Variants in KCNIP4 observed in about 807,000 individuals in gnomAD.
The protein encoded by KCNIP4 is Kv channel-interacting protein 4.
A neutral mutation model predicts 34.0 loss-of-function variants in KCNIP4; 12 were observed. The ratio of observed to expected loss-of-function variants is 0.35; its 90% CI spans 0.23 to 0.57. KCNIP4 has a LOEUF of 0.57. KCNIP4 is among the 20% of genes least tolerant of loss of function. The pLI, the probability that KCNIP4 is intolerant of heterozygous loss-of-function variation, is 0.83. For missense variants in KCNIP4, 238 were observed against 311.7 expected, an observed-to-expected ratio of 0.76 and a Z score of 1.78; for synonymous variants, 124 against 102.2, an observed-to-expected ratio of 1.21 and a Z score of -1.29.
At chr4:21,733,000 T>C (rs1715718386) in intron 1 of KCNIP4, among the ~76,000 whole-genome samples, 1 of 152,194 alleles carries the variant, frequency 6.6e-6, no homozygotes, top group Admixed American at 6.6e-5. Flanking sequence ...TTAAACTTCC[T>C]ATTTAACTTT....
intron 1 of KCNIP4, among the ~76,000 whole-genome samples, chr4:21,569,340 A>G (rs1361435155): frequency 6.6e-6 from 1 of 150,636 alleles, no homozygotes; most frequent in Non-Finnish European, 1.5e-5. Flanking sequence ...TAATAGAAAA[A>G]CTTTGCTTCT....
chr4:21,654,989 T>C (rs2108977930), intron 1 of KCNIP4, among the ~76,000 whole-genome samples: 2 of 152,010 alleles, frequency 1.3e-5, no homozygotes, highest in East Asian at 3.9e-4. Context: ...GAAAAATTGC[T>C]CCTCATTCTT....
chr4:20,903,145 A>T (rs1050569466), intron 1 of KCNIP4, among the ~76,000 whole-genome samples: 1 of 152,172 alleles, frequency 6.6e-6, no homozygotes, highest in Non-Finnish European at 1.5e-5. Context: ...AAATTCTTAA[A>T]AGACAGGCTG....
chr4:21,661,321 G>A (rs1748434924), intron 1 of KCNIP4, among the ~76,000 whole-genome samples: 1 of 152,062 alleles, frequency 6.6e-6, no homozygotes, highest in South Asian at 2.1e-4. Context: ...AGTGGGTACG[G>A]GAACCCAAAA....
intron 1 of KCNIP4, among the ~76,000 whole-genome samples, chr4:20,995,584 C>T (rs1401990290): frequency 1.3e-5 from 2 of 152,184 alleles, no homozygotes; most frequent in Admixed American, 6.5e-5. Flanking sequence ...CACATTGCCT[C>T]TCTGGTTTCA....
chr4:21,342,480 C>T (rs1716852475), intron 1 of KCNIP4, among the ~76,000 whole-genome samples: 1 of 152,074 alleles, frequency 6.6e-6, no homozygotes, highest in Admixed American at 6.6e-5. Flanking sequence ...AAAGCTTAAA[C>T]ATCATGCCCA....
At position 21,683,380 on chromosome 4, in the gene KCNIP4, T is replaced by G. The variant is rs557840517; in HGVS notation, c.61+265191A>C. 6.7e-5 allele frequency among the ~76,000 whole-genome samples: 10 copies of G among 149,324 alleles called. No homozygotes were observed. In the South Asian group the frequency reaches 2.1e-3, roughly 32 times the overall value. ...ACTATCATTATCTCAAATTTATTGA[T>G]AAGGTCACTGAACCTAACATAAGTA... On this transcript the variant is annotated intron_variant, in intron 1 of 8. Coordinates refer to ENST00000382152, the MANE Select transcript of KCNIP4 (RefSeq NM_025221.6).
At chr4:20,882,972 CA>C (rs1724870587) in intron 1 of KCNIP4, among the ~76,000 whole-genome samples, 1 of 145,172 alleles carries the variant, frequency 6.9e-6, no homozygotes, top group Non-Finnish European at 1.5e-5. Flanking sequence ...TATTGAACGG[CA>C]AAAGATTAAA....
chr4:20,771,604 G>C (rs1578579629), intron 3 of KCNIP4, among the ~76,000 whole-genome samples: 1 of 152,228 alleles, frequency 6.6e-6, no homozygotes, highest in East Asian at 1.9e-4. Flanking sequence ...CAGATTTTTG[G>C]AGAACGTCTT....
chr4:21,222,530 G>GA (rs955143676), intron 1 of KCNIP4, among the ~76,000 whole-genome samples: 10 of 151,838 alleles, frequency 6.6e-5, no homozygotes, highest in African/African-American at 2.4e-4. Flanking sequence ...AAAATACAGA[G>GA]AAAAAAACAC....
intron 1 of KCNIP4, among the ~76,000 whole-genome samples, chr4:21,023,367 A>G (rs1224049228): frequency 6.6e-6 from 1 of 152,186 alleles, no homozygotes; most frequent in Non-Finnish European, 1.5e-5. Context: ...AAAATTCACT[A>G]GCAGAAAGTG....
At chr4:20,947,923 C>A (rs1372116922) in intron 1 of KCNIP4, among the ~76,000 whole-genome samples, 1 of 152,202 alleles carries the variant, frequency 6.6e-6, no homozygotes, top group Non-Finnish European at 1.5e-5. Context: ...TCCAACTCAT[C>A]ACTGATTAAT....
intron 1 of KCNIP4, among the ~76,000 whole-genome samples, chr4:21,319,678 A>G (rs569400994): frequency 6.6e-6 from 1 of 152,302 alleles, no homozygotes; most frequent in East Asian, 1.9e-4. Flanking sequence ...CATCCAGTAT[A>G]TTCTCCTGGC....
intron 1 of KCNIP4, among the ~76,000 whole-genome samples, chr4:21,473,939 C>T (rs191217479): frequency 6.6e-6 from 1 of 152,050 alleles, no homozygotes; most frequent in Non-Finnish European, 1.5e-5. Context: ...TCCTCAAACT[C>T]CTGACCTCAG....
At chr4:21,029,262 GAT>G (rs1399607711) in intron 1 of KCNIP4, among the ~76,000 whole-genome samples, 1 of 152,156 alleles carries the variant, frequency 6.6e-6, no homozygotes, top group Non-Finnish European at 1.5e-5. Flanking sequence ...ACACACAGCT[GAT>G]CAGGGGCTCT....
chr4:21,634,248 C>T (rs1484785795), intron 1 of KCNIP4, among the ~76,000 whole-genome samples: 1 of 98,324 alleles, frequency 1.0e-5, no homozygotes, highest in Non-Finnish European at 2.2e-5. Flanking sequence ...AAAAAAAAAA[C>T]ACATACATAC....
intron 1 of KCNIP4, among the ~76,000 whole-genome samples, chr4:20,956,508 A>C (rs2149651068): frequency 6.6e-6 from 1 of 151,802 alleles, no homozygotes; most frequent in South Asian, 2.1e-4. Context: ...TCCTTCCAAA[A>C]AAAAAAAGTT....
At chr4:21,476,967 A>C (rs963784952) in intron 1 of KCNIP4, among the ~76,000 whole-genome samples, 2 of 152,130 alleles carry the variant, frequency 1.3e-5, no homozygotes, top group Non-Finnish European at 2.9e-5. Context: ...TAGGTGCTGA[A>C]GATGCAACAG....
intron 1 of KCNIP4, among the ~76,000 whole-genome samples, chr4:21,021,951 ATAT>A (rs1740108143): frequency 6.6e-6 from 1 of 152,120 alleles, no homozygotes; most frequent in Non-Finnish European, 1.5e-5. Context: ...TCATTAGCAA[ATAT>A]TATGTATTGT....
Sources: allele counts gnomAD v4.1 joint callset (sites outside exome capture counted in the v4.1 genomes callset), GRCh38; gene constraint gnomAD v4.1.1; transcripts MANE v1.5; gene names NCBI Gene and HGNC (gene_info 2026-07-23, HGNC 2026-07-21).